GRM7: variants seen among roughly 807,000 people sequenced by gnomAD.
GRM7 encodes glutamate metabotropic receptor 7, also known as metabotropic glutamate receptor 7.
In GRM7, 35 loss-of-function variants were observed where a neutral mutation model predicts 84.5. The ratio of observed to expected loss-of-function variants is 0.41; its 90% CI spans 0.32 to 0.55. The LOEUF (loss-of-function observed/expected upper bound fraction) is 0.55. GRM7 is among the 20% of genes least tolerant of loss of function. GRM7 has a pLI of 0.19. For missense variants in GRM7, 1,003 were observed against 1,194.6 expected, an observed-to-expected ratio of 0.84 and a Z score of 2.36; for synonymous variants, 487 against 455.1, an observed-to-expected ratio of 1.07 and a Z score of -0.89.
chr3:7,670,227 T>C (rs746804590), intron 8 of GRM7, among the ~76,000 whole-genome samples: 1 of 152,050 alleles, frequency 6.6e-6, no homozygotes, highest in Non-Finnish European at 1.5e-5. Context: ...AAGTGTGGAC[T>C]AGTGCAAGGT....
chr3:7,167,918 A>C (rs1315280908), intron 2 of GRM7, among the ~76,000 whole-genome samples: 1 of 137,002 alleles, frequency 7.3e-6, no homozygotes, highest in South Asian at 2.5e-4. Context: ...GCAGTGAGCC[A>C]AGATCACGCC....
chr3:6,973,598 C>T (rs917927897), intron 1 of GRM7, among the ~76,000 whole-genome samples: 1 of 152,010 alleles, frequency 6.6e-6, no homozygotes, highest in East Asian at 1.9e-4. Context: ...ATGACCAAGG[C>T]AGAACTCACT....
intron 7 of GRM7, among the ~76,000 whole-genome samples, chr3:7,562,896 C>T (rs1694091022): frequency 6.6e-6 from 1 of 151,698 alleles, no homozygotes. Context: ...GGCTAGTTTT[C>T]ATTATAATGA....
At chr3:7,398,483 C>CT (rs1385080052) in intron 4 of GRM7, among the ~76,000 whole-genome samples, 2 of 152,074 alleles carry the variant, frequency 1.3e-5, no homozygotes, top group African/African-American at 4.8e-5. Context: ...ATGCAATGGG[C>CT]TATCCCTAAG....
In GRM7 at chr3:7,689,032, C is replaced by T. The variant is rs181446168; in HGVS notation, c.2698+8737C>T. On this transcript the variant is annotated intron_variant, in intron 9 of 9. Coordinates refer to ENST00000357716, the MANE Select transcript of GRM7 (RefSeq NM_000844.4). The stretch of plus-strand genomic sequence containing the variant: ...CTGCAAAGTGTTATCAACCTAATGA[C>T]ATTTATGTCGAAATGCAATTAGGTA... Among the ~76,000 whole-genome samples the T allele has an allele frequency of 2.8e-3, 425 of 152,264 alleles. 7 individuals are homozygous for T. Among genetic ancestry groups the T allele is most frequent in the Middle Eastern group, 0.02 (6 of 294 alleles).
At chr3:7,071,006 C>T (rs575219263) in intron 1 of GRM7, among the ~76,000 whole-genome samples, 30 of 152,146 alleles carry the variant, frequency 2.0e-4, no homozygotes, top group Admixed American at 1.6e-3. Context: ...CATTTCAGAT[C>T]CTCTGGAGAG....
intron 8 of GRM7, among the ~76,000 whole-genome samples, chr3:7,649,846 G>A (rs575829961): frequency 6.6e-6 from 1 of 151,782 alleles, no homozygotes; most frequent in South Asian, 2.1e-4. Flanking sequence ...AAACAGGTTT[G>A]GGCGGGGGGG....
chr3:7,543,726 T>C (rs190550333), intron 7 of GRM7, among the ~76,000 whole-genome samples: 2 of 152,324 alleles, frequency 1.3e-5, no homozygotes, highest in Admixed American at 6.5e-5. Flanking sequence ...GAGAATTCTA[T>C]AGATAGACCT....
At chr3:7,114,401 A>G (rs1013749401) in intron 1 of GRM7, among the ~76,000 whole-genome samples, 3 of 152,134 alleles carry the variant, frequency 2.0e-5, no homozygotes, top group Non-Finnish European at 4.4e-5. Flanking sequence ...TCTATTCTCC[A>G]ATTATTTAAC....
At chr3:7,060,750 TG>T (rs1697409952) in intron 1 of GRM7, among the ~76,000 whole-genome samples, 1 of 151,812 alleles carries the variant, frequency 6.6e-6, no homozygotes, top group African/African-American at 2.4e-5. Flanking sequence ...AATGTTTCCT[TG>T]TGCCTATAAA....
chr3:7,721,893 C>T (rs767084852), intron 9 of GRM7, among the ~76,000 whole-genome samples: 45 of 152,202 alleles, frequency 3.0e-4, no homozygotes, highest in Non-Finnish European at 5.0e-4. Context: ...TACAACCTCT[C>T]AAAGCACAAG....
At chr3:7,314,810 A>G (rs552482460) in intron 4 of GRM7, among the ~76,000 whole-genome samples, 116 of 152,148 alleles carry the variant, frequency 7.6e-4, no homozygotes, top group African/African-American at 2.4e-3. Context: ...AATAAGCCAT[A>G]TCTTCCTATT....
chr3:7,676,449 T>A (rs1182169510), intron 8 of GRM7, among the ~76,000 whole-genome samples: 2 of 150,838 alleles, frequency 1.3e-5, no homozygotes, highest in Admixed American at 6.5e-5. Flanking sequence ...TTCTTTGTTT[T>A]AATTAATTAA....
chr3:7,132,350 T>A (rs1355672355), intron 1 of GRM7, among the ~76,000 whole-genome samples: 1 of 152,188 alleles, frequency 6.6e-6, no homozygotes, highest in Non-Finnish European at 1.5e-5. Context: ...ATTATTTAAA[T>A]AATTCCTGGG....
At chr3:7,014,003 A>G (rs1299959807) in intron 1 of GRM7, among the ~76,000 whole-genome samples, 7 of 152,192 alleles carry the variant, frequency 4.6e-5, no homozygotes, top group Non-Finnish European at 1.0e-4. Context: ...TATAAAAACA[A>G]TTAGATATAA....
At chr3:7,399,064 T>C (rs1575277152) in intron 4 of GRM7, among the ~76,000 whole-genome samples, 1 of 152,178 alleles carries the variant, frequency 6.6e-6, no homozygotes, top group Middle Eastern at 3.4e-3. Context: ...GGCATTTTCT[T>C]GGCTTCTGAA....
Position 7,696,685 on chromosome 3 carries a change from A to AT in GRM7, c.2698+16397dup, listed in dbSNP as rs1559493706. On this transcript the variant is annotated intron_variant, in intron 9 of 9. Coordinates refer to ENST00000357716, the MANE Select transcript of GRM7 (RefSeq NM_000844.4). ...CTAAAAAGTCAAATTGACGTGTCTT[A>AT]TTTTTTTCTGTGCATGGTTAGCCCT... Among the ~76,000 whole-genome samples, 6 of 152,112 alleles carry AT rather than the reference A, an allele frequency of 3.9e-5. No homozygotes were observed. The South Asian group carries it at 1.2e-3, about 32-fold the overall frequency.
Position 7,247,618 on chromosome 3 carries a change from A to AAG in GRM7, c.737-51065_737-51064insGA, listed in dbSNP as rs1553636904. On this transcript the variant is annotated intron_variant, in intron 2 of 9. Transcript: ENST00000357716. ...CTTTTTTTTTAAAAAAAAAAAAAAAAAAGAAGAAGAAAGAAAGAAAAATAA... is the reference window on the plus strand; with the variant it reads ...CTTTTTTTTTAAAAAAAAAAAAAAAAAGAAGAAGAAGAAAGAAAGAAAAATAA... Among the ~76,000 whole-genome samples the AAG allele has an allele frequency of 4.8e-4, 72 of 149,824 alleles. 1 individual carries two copies. In the South Asian group the frequency reaches 0.012, roughly 26 times the overall value.
At chr3:7,089,000 T>G (rs6804844) in intron 1 of GRM7, among the ~76,000 whole-genome samples, 1 of 151,274 alleles carries the variant, frequency 6.6e-6, no homozygotes, top group African/African-American at 2.4e-5. Context: ...GCCCAGTTTC[T>G]TCCAACCAAA....
Sources: gnomAD v4.1 joint callset for allele counts (sites outside exome capture counted in the v4.1 genomes callset) on GRCh38, gnomAD v4.1.1 for gene constraint, MANE v1.5 for transcripts, NCBI Gene and HGNC (gene_info 2026-07-23, HGNC 2026-07-21) for gene names.